PRKG1: variants seen among roughly 807,000 people sequenced by gnomAD.
The protein encoded by PRKG1 is protein kinase cGMP-dependent 1.
Under a neutral mutation model 88.1 loss-of-function variants are expected in PRKG1, and 35 were observed. The ratio of observed to expected loss-of-function variants is 0.40; its 90% CI spans 0.30 to 0.53. PRKG1 has a LOEUF of 0.53. PRKG1 is among the 20% of genes least tolerant of loss of function. PRKG1 has a pLI of 0.59. For synonymous variants in PRKG1, 303 were observed against 292.5 expected, an observed-to-expected ratio of 1.04 and a Z score of -0.37; for missense variants, 540 against 839.8, an observed-to-expected ratio of 0.64 and a Z score of 4.41.
chr10:52,090,247 AT>A (rs1013223915), intron 7 of PRKG1, among the ~76,000 whole-genome samples: 11 of 150,518 alleles, frequency 7.3e-5, no homozygotes, highest in South Asian at 2.1e-4. Flanking sequence ...GGAAGGAATG[AT>A]TTTTTTTTTA....
chr10:52,174,097 C>G (rs1398440761), intron 9 of PRKG1, among the ~76,000 whole-genome samples: 1 of 92,746 alleles, frequency 1.1e-5, no homozygotes, highest in African/African-American at 7.1e-5. Context: ...TGCTAGTAAT[C>G]AGGTTTTTTT....
At chr10:51,775,333 C>T (rs537321882) in intron 3 of PRKG1, among the ~76,000 whole-genome samples, 1 of 152,174 alleles carries the variant, frequency 6.6e-6, no homozygotes, top group East Asian at 1.9e-4. Flanking sequence ...TTTAAGAATA[C>T]TTCAAGTCAG....
chr10:51,793,782 G>A (rs1838934795), intron 3 of PRKG1, among the ~76,000 whole-genome samples: 3 of 152,092 alleles, frequency 2.0e-5, no homozygotes, highest in African/African-American at 7.2e-5. Context: ...TGTTTTTTGA[G>A]ACAGAGTCCT....
chr10:51,734,595 T>C (rs1459647630), intron 3 of PRKG1, among the ~76,000 whole-genome samples: 1 of 152,170 alleles, frequency 6.6e-6, no homozygotes, highest in African/African-American at 2.4e-5. Context: ...AAAGTTTGGT[T>C]CCTTCTTAGT....
At chr10:51,281,394 C>T (rs1840291172) in intron 2 of PRKG1, among the ~76,000 whole-genome samples, 1 of 152,108 alleles carries the variant, frequency 6.6e-6, no homozygotes, top group African/African-American at 2.4e-5. Flanking sequence ...AGGGTCTTAG[C>T]AAATGGCACA....
At chr10:51,420,550 C>T (rs184205131) in intron 2 of PRKG1, among the ~76,000 whole-genome samples, 23 of 152,252 alleles carry the variant, frequency 1.5e-4, no homozygotes, top group Admixed American at 9.8e-4. Context: ...CCAGAGGTAT[C>T]ATCTAGGGGC....
At chr10:51,892,041 C>A (rs1333946092) in intron 4 of PRKG1, among the ~76,000 whole-genome samples, 1 of 152,184 alleles carries the variant, frequency 6.6e-6, no homozygotes, top group African/African-American at 2.4e-5. Context: ...GCCATGCTAA[C>A]TTCTATTTCA....
At chr10:51,248,365 G>T (rs1373091546) in intron 2 of PRKG1, among the ~76,000 whole-genome samples, 2 of 151,770 alleles carry the variant, frequency 1.3e-5, no homozygotes, top group Non-Finnish European at 2.9e-5. Flanking sequence ...TAATATTTGG[G>T]TTGGAAGAGA....
chr10:51,556,207 G>T (rs1837307016), intron 3 of PRKG1, among the ~76,000 whole-genome samples: 1 of 151,846 alleles, frequency 6.6e-6, no homozygotes, highest in Non-Finnish European at 1.5e-5. Context: ...AATAAGTTTG[G>T]TTTATTAGTA....
At chr10:51,563,620 G>GTTA (rs145634069) in intron 3 of PRKG1, among the ~76,000 whole-genome samples, 21,542 of 151,980 alleles carry the variant, frequency 0.14, 1,630 homozygotes, top group African/African-American at 0.19. Flanking sequence ...TTTGTCGACT[G>GTTA]TTACTCCGTT....
At chr10:51,264,788 A>AGAG (rs1345556906) in intron 2 of PRKG1, among the ~76,000 whole-genome samples, 2 of 152,254 alleles carry the variant, frequency 1.3e-5, no homozygotes, top group African/African-American at 4.8e-5. Flanking sequence ...TTGTCTTCAT[A>AGAG]GTAATACCTT....
intron 4 of PRKG1, among the ~76,000 whole-genome samples, chr10:51,804,958 A>AC (rs1296920175): frequency 6.6e-6 from 1 of 152,082 alleles, no homozygotes; most frequent in East Asian, 1.9e-4. Flanking sequence ...GAGTTTCATG[A>AC]CATGTATTAA....
At chr10:51,703,288 A>G (rs1841519552) in intron 3 of PRKG1, among the ~76,000 whole-genome samples, 1 of 152,218 alleles carries the variant, frequency 6.6e-6, no homozygotes, top group Admixed American at 6.5e-5. Flanking sequence ...CTATTGATTC[A>G]GTAGACAAAT....
At chr10:51,935,818 T>C (rs977633730) in intron 5 of PRKG1, among the ~76,000 whole-genome samples, 1 of 152,164 alleles carries the variant, frequency 6.6e-6, no homozygotes, top group Non-Finnish European at 1.5e-5. Flanking sequence ...CCCTTCAGCA[T>C]AGGTATTCAC....
At chr10:51,892,912 A>G (rs6480550) in intron 4 of PRKG1, among the ~76,000 whole-genome samples, 74,177 of 152,006 alleles carry the variant, frequency 0.49, 18,349 homozygotes, top group Middle Eastern at 0.53. Context: ...GCCATTAAAT[A>G]TTTAAAAGGT....
intron 2 of PRKG1, among the ~76,000 whole-genome samples, chr10:51,207,173 G>A (rs1287981751): frequency 6.6e-6 from 1 of 152,110 alleles, no homozygotes; most frequent in Non-Finnish European, 1.5e-5. Context: ...TGGAAGAAGG[G>A]ATTATGTTCT....
chr10:52,054,663 T>C (rs558168049), intron 6 of PRKG1, 102 bp downstream of exon 6: 1 of 979,732 alleles, frequency 1.0e-6, no homozygotes, highest in African/African-American at 1.6e-5. Flanking sequence ...TATGAGTTTG[T>C]TCCATTTTTT....
intron 2 of PRKG1, among the ~76,000 whole-genome samples, chr10:51,417,203 A>G (rs978940653): frequency 1.3e-5 from 2 of 152,196 alleles, no homozygotes; most frequent in Non-Finnish European, 2.9e-5. Flanking sequence ...GTACGTAATT[A>G]TTCAAAAGAA....
At chr10:51,324,469 C>G (rs536355109) in intron 2 of PRKG1, among the ~76,000 whole-genome samples, 1 of 151,348 alleles carries the variant, frequency 6.6e-6, no homozygotes, top group Admixed American at 6.6e-5. Context: ...CATTGTGGGC[C>G]GGGCGCGGTG....
Sources: gnomAD v4.1 joint callset for allele counts (sites outside exome capture counted in the v4.1 genomes callset) on GRCh38, gnomAD v4.1.1 for gene constraint, MANE v1.5 for transcripts, NCBI Gene and HGNC (gene_info 2026-07-23, HGNC 2026-07-21) for gene names.